The following RGS21 variants were observed in gnomAD, a reference collection of about 807,000 sequenced individuals.
RGS21 encodes the protein regulator of G protein signaling 21.
In RGS21, 19 loss-of-function variants were observed where a neutral mutation model predicts 18.7. That is an observed-to-expected ratio of 1.01 (90% CI 0.71 to 1.49). RGS21 has a LOEUF of 1.49. Ranked by LOEUF, RGS21 falls within the 40% of genes most tolerant of loss-of-function variation. RGS21 has a pLI of 0.00. For synonymous variants in RGS21, 56 were observed against 57.8 expected (o/e 0.97, Z 0.14); for missense variants, 194 against 176.8 (o/e 1.10, Z -0.55).
intron 2 of RGS21, among the ~76,000 whole-genome samples, chr1:192,344,071 AT>A (rs1207127841): frequency 1.6e-4 from 24 of 152,034 alleles, no homozygotes; most frequent in African/African-American, 5.3e-4. Flanking sequence ...CCCTATTTTT[AT>A]TTGATAGTGT....
chr1:192,323,518 A>G (rs1278730504), intron 1 of RGS21, among the ~76,000 whole-genome samples: 1 of 152,112 alleles, frequency 6.6e-6, no homozygotes, highest in African/African-American at 2.4e-5. Context: ...GATAATGGCA[A>G]GAGTGAGGGA....
intron 2 of RGS21, 69 bp downstream of exon 2, chr1:192,343,116 G>C: frequency 1.4e-6 from 2 of 1,397,730 alleles, no homozygotes; most frequent in East Asian, 2.3e-5. Flanking sequence ...TCTTCTTTTA[G>C]TCTCGATGTT....
At chr1:192,338,692 C>T (rs1403201604) in intron 1 of RGS21, among the ~76,000 whole-genome samples, 1 of 152,106 alleles carries the variant, frequency 6.6e-6, no homozygotes, top group Non-Finnish European at 1.5e-5. Flanking sequence ...CCATGCCACA[C>T]TGTAGCCTTA....
At chr1:192,325,521 A>G (rs1658557032) in intron 1 of RGS21, among the ~76,000 whole-genome samples, 1 of 152,026 alleles carries the variant, frequency 6.6e-6, no homozygotes, top group Admixed American at 6.6e-5. Context: ...AAGTTCTTTG[A>G]GAAATCTCCA....
intron 1 of RGS21, among the ~76,000 whole-genome samples, chr1:192,333,628 C>CAAAAAAAAA (rs376989840): frequency 8.8e-5 from 9 of 102,404 alleles, no homozygotes; most frequent in East Asian, 7.5e-4. Context: ...CTCAAAATGA[C>CAAAAAAAAA]AAAAAAAAAA....
At chr1:192,335,792 G>A (rs1658758194) in intron 1 of RGS21, among the ~76,000 whole-genome samples, 1 of 152,118 alleles carries the variant, frequency 6.6e-6, no homozygotes, top group Non-Finnish European at 1.5e-5. Flanking sequence ...CCAAGTAGAA[G>A]AAATTTCATG....
intron 4 of RGS21, among the ~76,000 whole-genome samples, chr1:192,358,398 G>A (rs1168317267): frequency 6.6e-6 from 1 of 151,976 alleles, no homozygotes; most frequent in Admixed American, 6.6e-5. Context: ...CCACCTTTGA[G>A]AATATATTTT....
At chr1:192,338,543 AC>A (rs1156284241) in intron 1 of RGS21, among the ~76,000 whole-genome samples, 3 of 152,068 alleles carry the variant, frequency 2.0e-5, no homozygotes, top group African/African-American at 7.2e-5. Context: ...CTTTGCTGTG[AC>A]CTGTGCAAGA....
intron 1 of RGS21, among the ~76,000 whole-genome samples, chr1:192,319,635 A>G (rs1021352287): frequency 6.6e-6 from 1 of 152,102 alleles, no homozygotes; most frequent in Non-Finnish European, 1.5e-5. Context: ...GTATTAAGTA[A>G]ACTTCTGAAT....
chr1:192,328,679 T>C (rs1009350277), intron 1 of RGS21, among the ~76,000 whole-genome samples: 1 of 152,156 alleles, frequency 6.6e-6, no homozygotes, highest in African/African-American at 2.4e-5. Flanking sequence ...CACATTCTGC[T>C]TAAAATTTGA....
At chr1:192,359,756 C>A (rs1659161914) in intron 4 of RGS21, among the ~76,000 whole-genome samples, 1 of 135,846 alleles carries the variant, frequency 7.4e-6, no homozygotes. Context: ...ATATATAACT[C>A]TATATGTAAC....
In RGS21 at chr1:192,366,232, T is replaced by C. The variant is rs1659258516; in HGVS notation, c.*108T>C. ...GTTTTTAGGATTTAGAAAACATTTT[T>C]TACCCAAACAGATGAATAACGTTTT... is the stretch of plus-strand genomic sequence containing the variant. On this transcript the variant is annotated 3_prime_UTR_variant, in exon 5 of 5. Coordinates refer to ENST00000417209, the MANE Select transcript of RGS21 (RefSeq NM_001039152.3). The C allele has an allele frequency of 2.8e-6, 2 of 702,916 alleles. No individual in the cohort carries two copies. The highest frequency in any genetic ancestry group is 4.8e-6 in the Non-Finnish European group (2 of 415,232). 43.5% of individuals were successfully genotyped at this position (702,916 alleles called of 1,614,324 possible).
In RGS21 at chr1:192,317,268, A is replaced by G. The variant is rs113897843; in HGVS notation, c.-61+163A>G. ...AAATTTTACTAGCTATTCATTTGGTAACATTTGCAGAAAATAATATATTAT... is the reference window on the plus strand; with the variant it reads ...AAATTTTACTAGCTATTCATTTGGTGACATTTGCAGAAAATAATATATTAT... On this transcript the variant is annotated intron_variant, in intron 1 of 4. Transcript: ENST00000417209. Among the ~76,000 whole-genome samples, 593 of 152,044 alleles carry G rather than the reference A, an allele frequency of 3.9e-3. 8 individuals are homozygous for G. The highest frequency in any genetic ancestry group is 0.013 in the African/African-American group (553 of 41,556).
intron 1 of RGS21, among the ~76,000 whole-genome samples, chr1:192,319,810 C>T (rs1658470657): frequency 6.6e-6 from 1 of 152,054 alleles, no homozygotes. Context: ...GTTCTCTTTC[C>T]TCTATGTGCC....
At chr1:192,340,753 C>G (rs1011869858) in intron 1 of RGS21, among the ~76,000 whole-genome samples, 3 of 152,008 alleles carry the variant, frequency 2.0e-5, no homozygotes, top group Non-Finnish European at 2.9e-5. Context: ...ACAATCACAG[C>G]TGTTGAAAGG....
chr1:192,329,738 A>C (rs1173380499), intron 1 of RGS21, among the ~76,000 whole-genome samples: 1 of 149,850 alleles, frequency 6.7e-6, no homozygotes, highest in Non-Finnish European at 1.5e-5. Flanking sequence ...AGATGAGAAA[A>C]GGGGGTCAGC....
chr1:192,355,838 C>A (rs904010682), intron 4 of RGS21, among the ~76,000 whole-genome samples: 3 of 151,188 alleles, frequency 2.0e-5, no homozygotes, highest in Admixed American at 1.3e-4. Context: ...TTTATGTCAT[C>A]ATTCCTCTAT....
intron 4 of RGS21, among the ~76,000 whole-genome samples, chr1:192,361,222 A>T (rs1193389325): frequency 2.6e-5 from 4 of 152,100 alleles, no homozygotes; most frequent in Non-Finnish European, 5.9e-5. Flanking sequence ...TATCCTTATG[A>T]TTATTTTAGA....
At chr1:192,327,990 T>C (rs1486787821) in intron 1 of RGS21, among the ~76,000 whole-genome samples, 2 of 152,186 alleles carry the variant, frequency 1.3e-5, no homozygotes, top group African/African-American at 2.4e-5. Flanking sequence ...TTAAGTCATA[T>C]TGTCTGATCA....
Sources: allele counts gnomAD v4.1 joint callset (sites outside exome capture counted in the v4.1 genomes callset), GRCh38; gene constraint gnomAD v4.1.1; transcripts MANE v1.5; gene names NCBI Gene and HGNC (gene_info 2026-07-23, HGNC 2026-07-21).